Variants in MYO9B observed in about 807,000 individuals in gnomAD.
MYO9B encodes the protein myosin IXB, also known as unconventional myosin-IXb.
A neutral mutation model predicts 229.5 loss-of-function variants in MYO9B; 71 were observed. The ratio of observed to expected loss-of-function variants is 0.31; its 90% CI spans 0.26 to 0.38. The LOEUF (loss-of-function observed/expected upper bound fraction) is 0.38, where lower values mean the gene tolerates loss of function less well. MYO9B is among the 10% of genes least tolerant of loss of function. The pLI is 1.00. For missense variants in MYO9B, 2,255 were observed against 2,920.5 expected, an observed-to-expected ratio of 0.77 and a Z score of 5.25; for synonymous variants, 1,185 against 1,235.8, an observed-to-expected ratio of 0.96 and a Z score of 0.86.
chr19:17,083,710 G>T (rs910966042), intron 1 of MYO9B, among the ~76,000 whole-genome samples: 2 of 149,710 alleles, frequency 1.3e-5, no homozygotes, highest in South Asian at 4.2e-4. Flanking sequence ...GCAATGGCAC[G>T]GCCTCGGCTC....
At chr19:17,200,883 A>G in intron 26 of MYO9B, 54 bp downstream of exon 26, 1 of 1,572,468 alleles carries the variant, frequency 6.4e-7, no homozygotes, top group Non-Finnish European at 8.7e-7. Flanking sequence ...CAGGGGAACC[A>G]TCACAGCCAG....
intron 36 of MYO9B, among the ~76,000 whole-genome samples, chr19:17,210,124 C>CT (rs1428404902): frequency 6.6e-6 from 1 of 152,182 alleles, no homozygotes; most frequent in Non-Finnish European, 1.5e-5. Context: ...AGCCTTGTCC[C>CT]TTCTGACCTG....
rs1245244299 is a variant in MYO9B at position 17,193,759 on chromosome 19, T to TC, written c.3128+700dup. Among the ~76,000 whole-genome samples the TC allele has an allele frequency of 1.3e-5, 2 of 152,134 alleles. No individual in the cohort carries two copies. Among genetic ancestry groups the TC allele is most frequent in the Non-Finnish European group, 2.9e-5 (2 of 68,026 alleles). On this transcript the variant is annotated intron_variant, in intron 21 of 39. Transcript: ENST00000682292. This position sits in a 1 kb window ranked among gnomAD's most constrained non-coding sequence, Gnocchi z 4.3. ...CAGGTGTGGTGGTACACACCTGTAG[T>TC]CCCAGCTATTCAGGAAGCTGAGGTG...
intron 2 of MYO9B, among the ~76,000 whole-genome samples, chr19:17,124,340 C>T (rs188137073): frequency 6.6e-6 from 1 of 151,904 alleles, no homozygotes; most frequent in South Asian, 2.1e-4. Flanking sequence ...AAATAAAAAT[C>T]ATTCCTATGT....
intron 2 of MYO9B, among the ~76,000 whole-genome samples, chr19:17,133,130 G>A (rs1209979046): frequency 6.6e-6 from 1 of 152,144 alleles, no homozygotes; most frequent in African/African-American, 2.4e-5. Context: ...ACAGGCGTGA[G>A]CCACTGCGCC....
chr19:17,174,407 G>A (rs767048819), intron 13 of MYO9B, among the ~76,000 whole-genome samples: 122 of 152,078 alleles, frequency 8.0e-4, no homozygotes, highest in African/African-American at 2.1e-3. Context: ...GGAGGCTGAC[G>A]CAGACGATCG....
chr19:17,085,089 G>T (rs1387212690), intron 1 of MYO9B, among the ~76,000 whole-genome samples: 1 of 152,150 alleles, frequency 6.6e-6, no homozygotes, highest in Non-Finnish European at 1.5e-5. Flanking sequence ...TGCCTTTGTG[G>T]TGTGATCACC....
intron 4 of MYO9B, among the ~76,000 whole-genome samples, chr19:17,152,971 A>G (rs910507155): frequency 6.6e-6 from 1 of 152,144 alleles, no homozygotes; most frequent in South Asian, 2.1e-4. Flanking sequence ...TGTCTGCACA[A>G]AATATACTTA....
intron 14 of MYO9B, among the ~76,000 whole-genome samples, chr19:17,180,232 C>A (rs867140192): frequency 6.8e-6 from 1 of 146,970 alleles, no homozygotes; most frequent in African/African-American, 2.5e-5. Context: ...GACTCCGTCT[C>A]AATAAATAAA....
intron 33 of MYO9B, 125 bp downstream of exon 33, chr19:17,206,501 G>C: frequency 1.4e-6 from 2 of 1,435,040 alleles, no homozygotes. Context: ...CAAAGCAGTC[G>C]GCCCAGCCAA....
At chr19:17,180,090 G>A (rs1287628825) in intron 14 of MYO9B, among the ~76,000 whole-genome samples, 11 of 150,334 alleles carry the variant, frequency 7.3e-5, no homozygotes, top group South Asian at 4.2e-4. Flanking sequence ...AAAATTAGCC[G>A]GGCATGGTGG....
intron 1 of MYO9B, among the ~76,000 whole-genome samples, chr19:17,076,266 G>A (rs963013654): frequency 6.6e-6 from 1 of 151,920 alleles, no homozygotes; most frequent in Non-Finnish European, 1.5e-5. Context: ...GCCGGGGTGC[G>A]GTTGAGGGGA....
At chr19:17,082,767 C>T (rs538701643) in intron 1 of MYO9B, among the ~76,000 whole-genome samples, 3 of 152,182 alleles carry the variant, frequency 2.0e-5, no homozygotes, top group East Asian at 1.9e-4. Context: ...CCATAGGTGC[C>T]GTGGAAACTG....
At chr19:17,093,693 TGG>T (rs764730738) in intron 1 of MYO9B, among the ~76,000 whole-genome samples, 126 of 111,580 alleles carry the variant, frequency 1.1e-3, no homozygotes, top group Admixed American at 3.8e-3. Context: ...TTGCGGGGGG[TGG>T]GGGGGGGGGT....
At chr19:17,198,033 G>T in intron 23 of MYO9B, 151 bp from the exon 24 acceptor site, 1 of 1,364,422 alleles carries the variant, frequency 7.3e-7, no homozygotes, top group Non-Finnish European at 9.8e-7. Context: ...CTGCACTCCA[G>T]CCTGGGCAAC....
At chr19:17,140,052 G>GA (rs1008755371) in intron 2 of MYO9B, among the ~76,000 whole-genome samples, 2 of 151,532 alleles carry the variant, frequency 1.3e-5, no homozygotes, top group African/African-American at 4.8e-5. Flanking sequence ...AAAAAAAAAA[G>GA]AAAAAATGAT....
At chr19:17,168,636 A>T (rs1173787795) in intron 11 of MYO9B, among the ~76,000 whole-genome samples, 3 of 152,232 alleles carry the variant, frequency 2.0e-5, no homozygotes, top group Non-Finnish European at 4.4e-5. Flanking sequence ...CTATGCCTAG[A>T]AACTAGACAC....
chr19:17,076,528 G>A (rs2057485913), intron 1 of MYO9B, among the ~76,000 whole-genome samples: 1 of 151,952 alleles, frequency 6.6e-6, no homozygotes, highest in African/African-American at 2.4e-5. Context: ...AGAAGGAAGG[G>A]GTTAGAGTGG....
At chr19:17,139,040 G>A (rs2072305467) in intron 2 of MYO9B, among the ~76,000 whole-genome samples, 1 of 152,160 alleles carries the variant, frequency 6.6e-6, no homozygotes, top group African/African-American at 2.4e-5. Context: ...AGTCGGGCAT[G>A]GTGGCTCGCG....
Sources: gnomAD v4.1 joint callset for allele counts (sites outside exome capture counted in the v4.1 genomes callset) on GRCh38, gnomAD v4.1.1 for gene constraint, Gnocchi (gnomAD v3.1) non-coding constraint, MANE v1.5 for transcripts, NCBI Gene and HGNC (gene_info 2026-07-23, HGNC 2026-07-21) for gene names.